STK32B: variants seen among roughly 807,000 people sequenced by gnomAD.
The protein encoded by STK32B is serine/threonine-protein kinase 32B.
A neutral mutation model predicts 52.6 loss-of-function variants in STK32B; 43 were observed. That is an observed-to-expected ratio of 0.82 (90% confidence interval 0.64 to 1.05). The LOEUF is 1.05. STK32B is among the 50% of genes least tolerant of loss of function. The pLI is 0.00. For synonymous variants in STK32B, 238 were observed against 204.3 expected (o/e 1.17, Z -1.41); for missense variants, 621 against 534.6 (o/e 1.16, Z -1.59).
intron 3 of STK32B, among the ~76,000 whole-genome samples, chr4:5,172,848 C>T (rs947394852): frequency 2.0e-5 from 3 of 152,140 alleles, no homozygotes; most frequent in Non-Finnish European, 4.4e-5. Flanking sequence ...AGGATTCTGT[C>T]TTTTTCTATT....
At chr4:5,204,500 C>T (rs143375396) in intron 3 of STK32B, among the ~76,000 whole-genome samples, 1,069 of 59,434 alleles carry the variant, frequency 0.018, 11 homozygotes, top group African/African-American at 0.052. Flanking sequence ...GACAGAGTCT[C>T]ACTCTGTTAC....
At chr4:5,167,396 G>C (rs1718963613) in intron 2 of STK32B, among the ~76,000 whole-genome samples, 2 of 152,302 alleles carry the variant, frequency 1.3e-5, no homozygotes, top group South Asian at 4.1e-4. Flanking sequence ...CTCAGTGTCT[G>C]ACCTGCAGTA....
At chr4:5,367,359 C>T (rs62297300) in intron 4 of STK32B, among the ~76,000 whole-genome samples, 9,057 of 152,104 alleles carry the variant, frequency 0.06, 596 homozygotes, top group Admixed American at 0.18. Context: ...AAAGGGTGAA[C>T]GTGACGGGGA....
At position 5,147,822 on chromosome 4, in the gene STK32B, C is replaced by A. The variant is rs190981932; in HGVS notation, c.108+7862C>A. Among the ~76,000 whole-genome samples the A allele has an allele frequency of 9.5e-3, 1,448 of 151,976 alleles. 25 individuals carry two copies. Among genetic ancestry groups the A allele is most frequent in the African/African-American group, 0.033 (1,354 of 41,530 alleles). On this transcript the variant is annotated intron_variant, in intron 2 of 11. Transcript: ENST00000282908. ...TTTATTGAATTGGATTTGCCAATAT[C>A]TTATTAGAGAATTTTACATCACATT...
chr4:5,316,493 ATT>A (rs1730772290), intron 3 of STK32B, among the ~76,000 whole-genome samples: 1 of 2,276 alleles, frequency 4.4e-4, no homozygotes, highest in Non-Finnish European at 5.1e-4. Flanking sequence ...TATAATATAT[ATT>A]ACATATATAA....
chr4:5,024,258 A>C, the STK32B span, among the ~76,000 whole-genome samples: 6 of 152,178 alleles, frequency 3.9e-5, no homozygotes, highest in Non-Finnish European at 7.3e-5. Context: ...ATGATTTTAG[A>C]TACTCTGGGT....
intron 11 of STK32B, among the ~76,000 whole-genome samples, chr4:5,494,901 G>A (rs1463496526): frequency 1.3e-5 from 2 of 152,076 alleles, no homozygotes; most frequent in Non-Finnish European, 2.9e-5. Flanking sequence ...TTGGATATTG[G>A]CCCCCACTCT....
intron 1 of STK32B, among the ~76,000 whole-genome samples, chr4:5,104,874 T>A (rs1714013108): frequency 6.6e-6 from 1 of 152,232 alleles, no homozygotes; most frequent in Admixed American, 6.5e-5. Context: ...TGGAGTTATG[T>A]TCCATTGTAG....
rs144761665 is a variant in STK32B at position 5,483,752 on chromosome 4, G to A, written c.1107-15193G>A. Among the ~76,000 whole-genome samples, 155 of 152,100 alleles carry A rather than the reference G, an allele frequency of 1.0e-3. 2 individuals carry two copies. In the East Asian group the frequency reaches 0.02, roughly 20 times the overall value. On this transcript the variant is annotated intron_variant, in intron 11 of 11. Coordinates refer to ENST00000282908, the MANE Select transcript of STK32B (RefSeq NM_018401.3). Reference sequence around the variant, plus strand: ...TGCTATGAACTTCCCTCTACACACTGCTTTGAATGTGTCCTAGAGATTCTG... The same window carrying A: ...TGCTATGAACTTCCCTCTACACACTACTTTGAATGTGTCCTAGAGATTCTG...
At chr4:5,365,419 G>A (rs1026648359) in intron 4 of STK32B, among the ~76,000 whole-genome samples, 4 of 152,070 alleles carry the variant, frequency 2.6e-5, no homozygotes, top group African/African-American at 9.7e-5. Context: ...AGGAAGTGAG[G>A]GAATTGAGCA....
chr4:5,027,378 G>A, the STK32B span, among the ~76,000 whole-genome samples: 1 of 152,194 alleles, frequency 6.6e-6, no homozygotes, highest in African/African-American at 2.4e-5. Flanking sequence ...AGGAGGAGCT[G>A]TGTCCCAAAC....
intron 1 of STK32B, among the ~76,000 whole-genome samples, chr4:5,137,477 G>A (rs1253616375): frequency 2.0e-5 from 3 of 152,102 alleles, no homozygotes; most frequent in Non-Finnish European, 4.4e-5. Flanking sequence ...TATCCCAACT[G>A]GAAGAAACCA....
chr4:5,363,500 C>G (rs902907573), intron 4 of STK32B, among the ~76,000 whole-genome samples: 3 of 152,132 alleles, frequency 2.0e-5, no homozygotes, highest in African/African-American at 7.2e-5. Context: ...AAGGCAGACT[C>G]CAGACTTGGT....
At chr4:5,053,743 G>T (rs1577613189) in intron 1 of STK32B, among the ~76,000 whole-genome samples, 1 of 152,104 alleles carries the variant, frequency 6.6e-6, no homozygotes, top group South Asian at 2.1e-4. Context: ...AGTACTTTGG[G>T]AGGCCGAGGT....
intron 1 of STK32B, among the ~76,000 whole-genome samples, chr4:5,133,637 C>T (rs1258053773): frequency 3.9e-5 from 6 of 152,170 alleles, no homozygotes; most frequent in Non-Finnish European, 7.3e-5. Context: ...TAATCGCCAT[C>T]ATTATATGCT....
intron 3 of STK32B, among the ~76,000 whole-genome samples, chr4:5,310,418 G>A (rs1577324613): frequency 6.6e-6 from 1 of 152,042 alleles, no homozygotes; most frequent in Non-Finnish European, 1.5e-5. Context: ...CATACAAATG[G>A]CAAACGTATG....
At chr4:5,242,501 C>G (rs928505966) in intron 3 of STK32B, among the ~76,000 whole-genome samples, 2 of 152,092 alleles carry the variant, frequency 1.3e-5, no homozygotes, top group Admixed American at 6.6e-5. Context: ...GAGTAGGTTG[C>G]AAAAATTTTC....
intron 1 of STK32B, among the ~76,000 whole-genome samples, chr4:5,139,243 A>G (rs1446962593): frequency 6.6e-6 from 1 of 152,206 alleles, no homozygotes; most frequent in Non-Finnish European, 1.5e-5. Flanking sequence ...ATATAGGACC[A>G]GTGAACGTTG....
chr4:5,457,019 T>C, intron 8 of STK32B, 96 bp downstream of exon 8: 2 of 870,252 alleles, frequency 2.3e-6, no homozygotes, highest in Non-Finnish European at 3.4e-6. Flanking sequence ...ACAAATGGCA[T>C]ACTCGGGGTA....
Sources: gnomAD v4.1 joint callset for allele counts (sites outside exome capture counted in the v4.1 genomes callset) on GRCh38, gnomAD v4.1.1 for gene constraint, MANE v1.5 for transcripts, NCBI Gene and HGNC (gene_info 2026-07-23, HGNC 2026-07-21) for gene names.